ADAMTS19: variants seen among roughly 807,000 people sequenced by gnomAD.
ADAMTS19 encodes the protein A disintegrin and metalloproteinase with thrombospondin motifs 19.
In ADAMTS19, 93 loss-of-function variants were observed where a neutral mutation model predicts 153.3. That is an observed-to-expected ratio of 0.61 (90% CI 0.51 to 0.72). The LOEUF is 0.72. Ranked by LOEUF, ADAMTS19 falls within the 30% of genes least tolerant of loss-of-function variation. ADAMTS19 has a pLI of 0.00. For synonymous variants in ADAMTS19, 600 were observed against 556.6 expected (o/e 1.08, Z -1.10); for missense variants, 1,482 against 1,552.1 (o/e 0.95, Z 0.76).
intron 6 of ADAMTS19, among the ~76,000 whole-genome samples, chr5:129,538,231 T>C (rs1028680040): frequency 6.6e-6 from 1 of 152,086 alleles, no homozygotes; most frequent in African/African-American, 2.4e-5. Context: ...AAAAATTAGC[T>C]TATAGTCCCA....
At chr5:129,689,351 C>G (rs971284489) in intron 18 of ADAMTS19, among the ~76,000 whole-genome samples, 3 of 152,196 alleles carry the variant, frequency 2.0e-5, no homozygotes, top group Non-Finnish European at 2.9e-5. Context: ...ATTCAAAAGC[C>G]TATACCTTTT....
intron 17 of ADAMTS19, among the ~76,000 whole-genome samples, chr5:129,682,780 TAAA>T (rs1390428889): frequency 6.6e-6 from 1 of 152,168 alleles, no homozygotes; most frequent in South Asian, 2.1e-4. Context: ...TTTGTGAACT[TAAA>T]ATTATTGTTT....
intron 6 of ADAMTS19, among the ~76,000 whole-genome samples, chr5:129,540,880 ACT>A (rs1434274660): frequency 6.6e-6 from 1 of 151,980 alleles, no homozygotes; most frequent in Non-Finnish European, 1.5e-5. Flanking sequence ...ACATAATGAA[ACT>A]CTGTGATGCA....
chr5:129,532,409 C>T (rs1561555050), intron 6 of ADAMTS19, among the ~76,000 whole-genome samples: 1 of 152,056 alleles, frequency 6.6e-6, no homozygotes. Flanking sequence ...AAATTAAATT[C>T]ACACCCACTT....
intron 7 of ADAMTS19, among the ~76,000 whole-genome samples, chr5:129,570,619 A>G (rs1753865696): frequency 9.3e-6 from 1 of 106,960 alleles, no homozygotes. Context: ...ACTAAGGAGT[A>G]CAGGAAAAAA....
chr5:129,733,944 C>T (rs112448889), intron 21 of ADAMTS19, among the ~76,000 whole-genome samples: 1 of 147,738 alleles, frequency 6.8e-6, no homozygotes, highest in Admixed American at 6.8e-5. Flanking sequence ...CAAGTGTGTG[C>T]GTGTGTGTGT....
rs183735325 is a variant in ADAMTS19, at chr5:129,735,277, G to A, written c.3490+168G>A. 4.1e-4 allele frequency among the ~76,000 whole-genome samples: 62 copies of A among 149,540 alleles called. No individual in the cohort carries two copies. In the East Asian group the frequency reaches 0.011, roughly 28 times the overall value. Reference sequence around the variant, plus strand: ...ATGATTTCGTCCAAATGGTCAGGTGGGTAAAAAAGTCCTAAAAACTTAAAC... The same window carrying A: ...ATGATTTCGTCCAAATGGTCAGGTGAGTAAAAAAGTCCTAAAAACTTAAAC... On this transcript the variant is annotated intron_variant, in intron 22 of 22. Coordinates refer to ENST00000274487, the MANE Select transcript of ADAMTS19 (RefSeq NM_133638.6).
At chr5:129,629,175 G>A (rs1752181623) in intron 10 of ADAMTS19, among the ~76,000 whole-genome samples, 1 of 152,038 alleles carries the variant, frequency 6.6e-6, no homozygotes, top group Admixed American at 6.6e-5. Context: ...AATATTTGAT[G>A]AATAAGTGAA....
At chr5:129,669,712 T>A (rs1754216175) in intron 16 of ADAMTS19, among the ~76,000 whole-genome samples, 1 of 152,114 alleles carries the variant, frequency 6.6e-6, no homozygotes, top group African/African-American at 2.4e-5. Context: ...AGTTTATAGG[T>A]ATACATTTTC....
chr5:129,483,574 C>G (rs1750488798), intron 2 of ADAMTS19, among the ~76,000 whole-genome samples: 1 of 152,108 alleles, frequency 6.6e-6, no homozygotes, highest in Non-Finnish European at 1.5e-5. Flanking sequence ...AAGAAGGAGG[C>G]ACAATCACAC....
At position 129,509,177 on chromosome 5, in the gene ADAMTS19, G is replaced by A. The variant is rs774215772; in HGVS notation, c.848G>A (p.Arg283Lys). The A allele has an allele frequency of 1.2e-6, 2 of 1,612,126 alleles. No homozygotes were observed. The highest frequency in any genetic ancestry group is 1.3e-5 in the African/African-American group (1 of 74,786). Residue 283 changes from arginine (R) to lysine (K), a missense_variant, in exon 3 of 23, where the codon AGG (arginine) becomes AAG (lysine). Arg to Lys is a conservative substitution (Grantham distance 26, BLOSUM62 2). Transcript: ENST00000274487. ...GHPHRVYRQK[R>K]SMEEKVTEKS... ...CCACACCGTGTATATAGGCAGAAAA[G>A]GTCCATGGAGGAAAAGGTCACAGAG...
rs1279915802 is a variant in ADAMTS19 at position 129,619,850 on chromosome 5, G to A, written c.1479-768G>A. Among the ~76,000 whole-genome samples the A allele has an allele frequency of 2.6e-5, 4 of 151,994 alleles. No homozygotes were observed. The South Asian group carries it at 6.2e-4, about 24-fold the overall frequency. On this transcript the variant is annotated intron_variant, in intron 8 of 22. Transcript: ENST00000274487. ...TAACAGTAAACAAAATAGAGGCTAT[G>A]TGATAATTCAGGAAAGGAAAAAAAT...
intron 10 of ADAMTS19, among the ~76,000 whole-genome samples, chr5:129,629,653 T>C (rs1437072785): frequency 6.6e-6 from 1 of 152,126 alleles, no homozygotes; most frequent in Admixed American, 6.6e-5. Context: ...GTAGAGATTC[T>C]GGTGAAAAAT....
chr5:129,523,966 A>G (rs958280767), intron 3 of ADAMTS19, among the ~76,000 whole-genome samples: 14 of 152,190 alleles, frequency 9.2e-5, no homozygotes, highest in African/African-American at 3.4e-4. Flanking sequence ...AAACTACTGT[A>G]AATTTCATAT....
intron 16 of ADAMTS19, among the ~76,000 whole-genome samples, chr5:129,670,624 G>A (rs1016267079): frequency 2.6e-5 from 4 of 152,046 alleles, no homozygotes; most frequent in Admixed American, 1.3e-4. Context: ...AGTAATTGTC[G>A]TCCATGCAAC....
At chr5:129,467,177 AT>A (rs1284127489) in intron 2 of ADAMTS19, among the ~76,000 whole-genome samples, 1 of 152,220 alleles carries the variant, frequency 6.6e-6, no homozygotes, top group African/African-American at 2.4e-5. Flanking sequence ...AAATGGTTGT[AT>A]GCTGTAAGAC....
intron 6 of ADAMTS19, among the ~76,000 whole-genome samples, chr5:129,549,499 G>T (rs1253747920): frequency 2.0e-5 from 3 of 151,330 alleles, no homozygotes; most frequent in Non-Finnish European, 4.4e-5. Context: ...AAAAATAATA[G>T]TTCAAAATAA....
intron 7 of ADAMTS19, among the ~76,000 whole-genome samples, chr5:129,576,059 G>T (rs562991127): frequency 1.3e-5 from 2 of 151,418 alleles, no homozygotes; most frequent in East Asian, 3.9e-4. Context: ...GGAGGAAGGG[G>T]GTGGGTGGGT....
At chr5:129,582,675 CCATTCTCCT>C (rs1561584150) in intron 7 of ADAMTS19, among the ~76,000 whole-genome samples, 1 of 152,038 alleles carries the variant, frequency 6.6e-6, no homozygotes, top group Non-Finnish European at 1.5e-5. Context: ...CAGGTTCATG[CCATTCTCCT>C]GCCTCAGCCT....
Sources: allele counts gnomAD v4.1 joint callset (sites outside exome capture counted in the v4.1 genomes callset), GRCh38; gene constraint gnomAD v4.1.1; transcripts MANE v1.5; gene names NCBI Gene and HGNC (gene_info 2026-07-23, HGNC 2026-07-21).